The following APP variants were observed in gnomAD, a reference collection of about 807,000 sequenced individuals.
The protein encoded by APP is amyloid-beta precursor protein.
APP carries 31 observed loss-of-function variants against 101.4 expected under a neutral mutation model. The ratio of observed to expected loss-of-function variants is 0.31; its 90% CI spans 0.23 to 0.41. The LOEUF is 0.41. Ranked by LOEUF, APP falls within the 10% of genes least tolerant of loss-of-function variation. The pLI, the probability that APP is intolerant of heterozygous loss-of-function variation, is 1.00. For synonymous variants in APP, 366 were observed against 364.4 expected (o/e 1.00, Z -0.05); for missense variants, 839 against 1,003.7 (o/e 0.84, Z 2.22).
intron 1 of APP, among the ~76,000 whole-genome samples, chr21:26,147,892 C>T (rs1435268436): frequency 1.3e-5 from 2 of 151,648 alleles, no homozygotes; most frequent in African/African-American, 4.8e-5. Flanking sequence ...CCAAAACAGA[C>T]TATTCCATTC....
chr21:26,109,037 A>C (rs1157382329), intron 2 of APP, among the ~76,000 whole-genome samples: 2 of 152,208 alleles, frequency 1.3e-5, no homozygotes, highest in Non-Finnish European at 2.9e-5. Flanking sequence ...AATGTTGAAG[A>C]ATCTGGCTGG....
At chr21:26,007,033 T>C (rs1036795728) in intron 6 of APP, among the ~76,000 whole-genome samples, 1 of 152,134 alleles carries the variant, frequency 6.6e-6, no homozygotes, top group Non-Finnish European at 1.5e-5. Flanking sequence ...ACTAGTCATT[T>C]AGAGAGAGCT....
At chr21:26,005,370 T>C (rs925450721) in intron 6 of APP, among the ~76,000 whole-genome samples, 1 of 152,076 alleles carries the variant, frequency 6.6e-6, no homozygotes, top group East Asian at 1.9e-4. Context: ...GCCAAAATAG[T>C]GCCACTGCAC....
At chr21:25,969,181 T>C (rs1007227762) in intron 11 of APP, among the ~76,000 whole-genome samples, 1 of 132,498 alleles carries the variant, frequency 7.5e-6, no homozygotes. Context: ...CTACTAAAAA[T>C]ACAAAAAAAA....
intron 15 of APP, among the ~76,000 whole-genome samples, chr21:25,899,755 C>T (rs2038317008): frequency 6.6e-6 from 1 of 152,178 alleles, no homozygotes; most frequent in African/African-American, 2.4e-5. Flanking sequence ...GAAACTAATG[C>T]TTGTTGTTTT....
intron 1 of APP, among the ~76,000 whole-genome samples, chr21:26,136,485 C>G (rs1371443238): frequency 1.3e-5 from 2 of 152,026 alleles, no homozygotes; most frequent in Non-Finnish European, 1.5e-5. Context: ...GTTTTGCTCC[C>G]TAAGGAAAAC....
chr21:25,909,725 T>C (rs1289802053), intron 14 of APP, among the ~76,000 whole-genome samples: 1 of 152,216 alleles, frequency 6.6e-6, no homozygotes, highest in Non-Finnish European at 1.5e-5. Flanking sequence ...AAAATTCTCA[T>C]TAGAGACTGA....
chr21:26,070,228 G>C (rs755200743), intron 3 of APP, among the ~76,000 whole-genome samples: 2 of 152,146 alleles, frequency 1.3e-5, no homozygotes, highest in Non-Finnish European at 2.9e-5. Context: ...TAGACCCCCA[G>C]ATAAATCAGA....
At chr21:26,152,918 T>C (rs938290053) in intron 1 of APP, among the ~76,000 whole-genome samples, 15 of 152,156 alleles carry the variant, frequency 9.9e-5, no homozygotes, top group Admixed American at 6.6e-5. Flanking sequence ...AATGAGAGGA[T>C]AAAGAAGATG....
At chr21:26,161,424 A>T (rs901498120) in intron 1 of APP, among the ~76,000 whole-genome samples, 1 of 152,046 alleles carries the variant, frequency 6.6e-6, no homozygotes, top group South Asian at 2.1e-4. Context: ...TACCCAACTT[A>T]ATTTTTTCCA....
In APP at chr21:25,982,399, T is replaced by A. The variant is rs946281683; in HGVS notation, c.1169A>T (p.His390Leu). The change falls in exon 9 of 18, where the codon CAT (histidine) becomes CTT (leucine). Residue 390 changes from histidine to leucine, a missense_variant. Transcript: ENST00000346798. The part of the protein sequence containing the change: ...ETPGDENEHA[H>L]FQKAKERLEA... ...AAGCCTCTCTTTGGCTTTCTGGAAA[T>A]GGGCATGTTCATTCTCATCCCCAGG... 1.2e-6 allele frequency: 2 copies of A among 1,613,678 alleles called. No individual in the cohort carries two copies.
At chr21:26,014,698 G>A (rs1382564718) in intron 6 of APP, among the ~76,000 whole-genome samples, 2 of 152,212 alleles carry the variant, frequency 1.3e-5, no homozygotes, top group Non-Finnish European at 2.9e-5. Context: ...GTACCTACAA[G>A]TGCCTTGTGG....
At chr21:26,122,744 A>T (rs1358416407) in intron 1 of APP, among the ~76,000 whole-genome samples, 1 of 151,626 alleles carries the variant, frequency 6.6e-6, no homozygotes, top group Non-Finnish European at 1.5e-5. Context: ...AGATTTTAAT[A>T]AAATTTTTTT....
At chr21:26,169,588 G>A (rs45473297) in intron 1 of APP, among the ~76,000 whole-genome samples, 44,667 of 152,218 alleles carry the variant, frequency 0.29, 6,762 homozygotes, top group African/African-American at 0.37. Flanking sequence ...GAGGTGATCC[G>A]AGGGTGGGAA....
At chr21:25,993,848 A>T (rs1332682942) in intron 8 of APP, among the ~76,000 whole-genome samples, 3 of 151,798 alleles carry the variant, frequency 2.0e-5, no homozygotes, top group Non-Finnish European at 4.4e-5. Flanking sequence ...TTTAGTGGGT[A>T]GGGGTCAGGG....
intron 6 of APP, among the ~76,000 whole-genome samples, chr21:26,016,771 C>T (rs887138473): frequency 5.3e-5 from 8 of 152,132 alleles, no homozygotes; most frequent in Admixed American, 4.6e-4. Context: ...GGGGTTTCAC[C>T]GTGTTAGCCA....
intron 1 of APP, among the ~76,000 whole-genome samples, chr21:26,137,608 C>T (rs543060628): frequency 5.9e-5 from 9 of 152,134 alleles, no homozygotes; most frequent in East Asian, 3.9e-4. Context: ...TGACCACAGA[C>T]GCTAAGAACA....
At position 26,112,214 on chromosome 21, in the gene APP, G is replaced by C; in HGVS notation, c.58-68C>G. 2.0e-6 allele frequency: 3 copies of C among 1,516,852 alleles called. 1 individual carries two copies. Among genetic ancestry groups the C allele is most frequent in the Non-Finnish European group, 1.8e-6 (2 of 1,094,738 alleles). The allele number at this position is 1,516,852 out of a possible 1,614,324, so 94.0% of individuals were successfully genotyped here. A position where few individuals can be genotyped will look rare whatever the true frequency, so the allele number is the denominator to read the frequency against. On this transcript the variant is annotated intron_variant, in intron 1 of 17. Transcript: ENST00000346798. ...AAGGCAGAGGCTTGGAGGAAGAACA[G>C]GGATAACTATCAAAAAGAGTTCTAT...
intron 1 of APP, among the ~76,000 whole-genome samples, chr21:26,117,208 A>T (rs1230824600): frequency 6.6e-6 from 1 of 152,208 alleles, no homozygotes; most frequent in Non-Finnish European, 1.5e-5. Context: ...TTTCTATCAC[A>T]TCCATGGTTT....
Sources: gnomAD v4.1 joint callset for allele counts (sites outside exome capture counted in the v4.1 genomes callset) on GRCh38, gnomAD v4.1.1 for gene constraint, MANE v1.5 for transcripts, NCBI Gene and HGNC (gene_info 2026-07-23, HGNC 2026-07-21) for gene names.